CAMK2G: variants seen among roughly 807,000 people sequenced by gnomAD.
CAMK2G encodes calcium/calmodulin dependent protein kinase II gamma, also known as calcium/calmodulin-dependent protein kinase type II subunit gamma.
In CAMK2G, 23 loss-of-function variants were observed where a neutral mutation model predicts 88.7. The observed-to-expected ratio is 0.26, with a 90% CI of 0.19 to 0.37. The LOEUF (loss-of-function observed/expected upper bound fraction) is 0.37. CAMK2G is among the 10% of genes least tolerant of loss of function. The pLI is 1.00. For synonymous variants in CAMK2G, 263 were observed against 294.8 expected (o/e 0.89, Z 1.11); for missense variants, 476 against 780.8 (o/e 0.61, Z 4.65).
intron 15 of CAMK2G, among the ~76,000 whole-genome samples, chr10:73,827,008 C>T (rs771338712): frequency 5.9e-5 from 9 of 152,168 alleles, no homozygotes; most frequent in Non-Finnish European, 1.2e-4. Context: ...TCTCTCATTC[C>T]CACCAAGAAG....
chr10:73,820,900 C>T (rs1392238891), intron 18 of CAMK2G, among the ~76,000 whole-genome samples: 2 of 152,076 alleles, frequency 1.3e-5, no homozygotes, highest in Admixed American at 1.3e-4. Flanking sequence ...TCTTGAACTT[C>T]TGACCTTCAG....
chr10:73,819,005 C>T lies in CAMK2G; in HGVS notation c.1363+527G>A. 1.1e-5 allele frequency: 4 copies of T among 359,066 alleles called. No individual in the cohort carries two copies. The Admixed American group carries it at 1.5e-4, about 13-fold the overall frequency. 22.2% of individuals were successfully genotyped at this position (359,066 alleles called of 1,614,324 possible). A position where few individuals can be genotyped will look rare whatever the true frequency, so the allele number is the denominator to read the frequency against. Reference sequence around the variant, plus strand: ...CTCTGAGGTGCGTGCCATTTTATTTCCACATTACAGATAAGGAACCTGCAG... The same window carrying T: ...CTCTGAGGTGCGTGCCATTTTATTTTCACATTACAGATAAGGAACCTGCAG... On this transcript the variant is annotated intron_variant, in intron 19 of 22. Coordinates refer to ENST00000423381, the MANE Select transcript of CAMK2G (RefSeq NM_001367534.1).
intron 14 of CAMK2G, among the ~76,000 whole-genome samples, chr10:73,835,299 C>CT (rs112225816): frequency 4.5e-3 from 648 of 143,544 alleles, no homozygotes; most frequent in Non-Finnish European, 4.9e-3. Context: ...CAGCAGGTAT[C>CT]TTTTTTTTTT....
intron 2 of CAMK2G, among the ~76,000 whole-genome samples, chr10:73,869,570 G>A (rs1429702376): frequency 6.6e-6 from 1 of 152,198 alleles, no homozygotes; most frequent in Non-Finnish European, 1.5e-5. Context: ...AGGCAACCAT[G>A]ATTGGTTACA....
intron 3 of CAMK2G, among the ~76,000 whole-genome samples, chr10:73,858,146 T>C (rs569380083): frequency 6.6e-6 from 1 of 152,308 alleles, no homozygotes; most frequent in South Asian, 2.1e-4. Flanking sequence ...AATATCTAGC[T>C]ATTAAGGGGA....
intron 14 of CAMK2G, among the ~76,000 whole-genome samples, chr10:73,834,706 C>T (rs2092993601): frequency 6.6e-6 from 1 of 152,204 alleles, no homozygotes; most frequent in Admixed American, 6.5e-5. Flanking sequence ...CAGATTCTGC[C>T]TCCCAGCCAA....
chr10:73,861,566 G>C (rs1416411655), intron 2 of CAMK2G, among the ~76,000 whole-genome samples: 1 of 152,148 alleles, frequency 6.6e-6, no homozygotes, highest in Non-Finnish European at 1.5e-5. Context: ...ACGTTGGCCA[G>C]GTTGGTCTCG....
At chr10:73,818,097 C>A in intron 19 of CAMK2G, 1 of 169,670 alleles carries the variant, frequency 5.9e-6, no homozygotes. Context: ...ACCATCAGAA[C>A]CCTAGGATGG....
chr10:73,873,287 G>A (rs1591523656), intron 1 of CAMK2G: 10 of 1,227,010 alleles, frequency 8.1e-6, no homozygotes, highest in Middle Eastern at 3.0e-4. Context: ...AGATGTGGGT[G>A]GCGTGCCGCG....
intron 12 of CAMK2G, among the ~76,000 whole-genome samples, chr10:73,841,322 G>C (rs1000089106): frequency 9.9e-5 from 15 of 152,176 alleles, no homozygotes; most frequent in African/African-American, 3.6e-4. Flanking sequence ...GAGAAGGGGG[G>C]GTCTTGAACC....
intron 17 of CAMK2G, among the ~76,000 whole-genome samples, chr10:73,823,302 A>G (rs1291799137): frequency 3.4e-5 from 5 of 148,318 alleles, no homozygotes; most frequent in East Asian, 2.0e-4. Context: ...TGCAACCTCC[A>G]CCTCCCAGGC....
chr10:73,852,969 C>T lies in CAMK2G; in HGVS notation c.275+223G>A, dbSNP rs78924584. Reference sequence around the variant, plus strand: ...CAAGGCGTGCTGCTGAACAGAAGTGCGAGAGGAATGCTGTCCTGGGGTTCA... The same window carrying T: ...CAAGGCGTGCTGCTGAACAGAAGTGTGAGAGGAATGCTGTCCTGGGGTTCA... On this transcript the variant is annotated intron_variant, in intron 4 of 22. Transcript: ENST00000423381. Among the ~76,000 whole-genome samples the T allele has an allele frequency of 2.3e-3, 355 of 152,284 alleles. 8 individuals carry two copies. In the East Asian group the frequency reaches 0.038, roughly 16 times the overall value.
At chr10:73,840,078 G>A (rs954581028) in intron 12 of CAMK2G, among the ~76,000 whole-genome samples, 1 of 152,132 alleles carries the variant, frequency 6.6e-6, no homozygotes, top group Non-Finnish European at 1.5e-5. Context: ...AGGGACTGGC[G>A]TGGGGGTCCC....
At chr10:73,853,785 C>CAAT (rs1359244461) in intron 3 of CAMK2G, among the ~76,000 whole-genome samples, 2 of 152,198 alleles carry the variant, frequency 1.3e-5, no homozygotes, top group African/African-American at 4.8e-5. Context: ...GCAATGACAA[C>CAAT]AATAACAGCT....
chr10:73,847,153 G>A, intron 10 of CAMK2G, 72 bp downstream of exon 10: 1 of 1,503,222 alleles, frequency 6.7e-7, no homozygotes, highest in Non-Finnish European at 9.2e-7. Flanking sequence ...TGGTAAGAAG[G>A]AGGGGGTGGT....
Position 73,824,095 on chromosome 10 carries a change from A to T in CAMK2G, c.1156-11T>A. ...AGTGGTTTGTGGCTCCTGTGAGAGA[A>T]GATGAAGATTACCCTTCCGACTTGG... On this transcript the variant is annotated splice_polypyrimidine_tract_variant and intron_variant, in intron 16 of 22. Coordinates refer to ENST00000423381, the MANE Select transcript of CAMK2G (RefSeq NM_001367534.1). The T allele has an allele frequency of 1.9e-6, 3 of 1,610,522 alleles. No homozygotes were observed. The highest frequency in any genetic ancestry group is 2.5e-6 in the Non-Finnish European group (3 of 1,176,826).
intron 12 of CAMK2G, among the ~76,000 whole-genome samples, chr10:73,840,759 C>A (rs2093709696): frequency 6.6e-6 from 1 of 152,230 alleles, no homozygotes; most frequent in African/African-American, 2.4e-5. Context: ...ACTGTCTTCA[C>A]ATTTCTTCAA....
chr10:73,837,076 C>G (rs756074900), intron 14 of CAMK2G: 65 of 242,278 alleles, frequency 2.7e-4, no homozygotes, highest in Non-Finnish European at 5.1e-4. Flanking sequence ...GCCTGAATCA[C>G]TCAGGCAAAT....
chr10:73,820,464 T>TTATATATA lies in CAMK2G; in HGVS notation c.1250-827_1250-820dup, dbSNP rs71483976. ...TCCCAGGACTATCTGGGTTTTATAT[T>TTATATATA]TATATATATATATATATATATATAT... On this transcript the variant is annotated intron_variant, in intron 18 of 22. Transcript: ENST00000423381. Among the ~76,000 whole-genome samples the TTATATATA allele has an allele frequency of 4.9e-3, 362 of 73,952 alleles. 2 individuals are homozygous for TTATATATA. The highest frequency in any genetic ancestry group is 7.1e-3 in the East Asian group (16 of 2,244). 48.5% of individuals were successfully genotyped at this position (73,952 alleles called of 152,430 possible).
Sources: gnomAD v4.1 joint callset for allele counts (sites outside exome capture counted in the v4.1 genomes callset) on GRCh38, gnomAD v4.1.1 for gene constraint, MANE v1.5 for transcripts, NCBI Gene and HGNC (gene_info 2026-07-23, HGNC 2026-07-21) for gene names.